Variants in RBFOX1 observed in about 807,000 individuals in gnomAD.
RBFOX1 encodes RNA binding fox-1 homolog 1, also known as RNA binding protein fox-1 homolog 1.
A neutral mutation model predicts 57.7 loss-of-function variants in RBFOX1; 8 were observed. That is an observed-to-expected ratio of 0.14 (90% confidence interval 0.08 to 0.25). The LOEUF is 0.25. Among genes scored for constraint, RBFOX1 ranks in the 10% least tolerant of loss-of-function variants. RBFOX1 has a pLI of 1.00. For synonymous variants in RBFOX1, 326 were observed against 222.4 expected, an observed-to-expected ratio of 1.47 and a Z score of -4.15; for missense variants, 611 against 548.5, an observed-to-expected ratio of 1.11 and a Z score of -1.14.
intron 3 of RBFOX1, among the ~76,000 whole-genome samples, chr16:5,823,044 T>C (rs1263933659): frequency 1.3e-5 from 2 of 152,172 alleles, no homozygotes; most frequent in East Asian, 1.9e-4. Context: ...CAGTTTAAAA[T>C]TAGTAATGCT....
At chr16:6,662,615 C>T (rs1371817210) in intron 3 of RBFOX1, among the ~76,000 whole-genome samples, 6 of 151,748 alleles carry the variant, frequency 4.0e-5, no homozygotes, top group Non-Finnish European at 8.8e-5. Flanking sequence ...TTTCTCAGAC[C>T]TTGAGACTAC....
chr16:6,837,651 T>C (rs752989490), intron 3 of RBFOX1, among the ~76,000 whole-genome samples: 4 of 152,186 alleles, frequency 2.6e-5, no homozygotes, highest in South Asian at 2.1e-4. Context: ...CACTCCCTCA[T>C]TGAAAATTGA....
intron 1 of RBFOX1, among the ~76,000 whole-genome samples, chr16:6,162,978 C>T (rs1346594773): frequency 6.6e-6 from 1 of 152,172 alleles, no homozygotes; most frequent in African/African-American, 2.4e-5. Context: ...AGGTGATCCA[C>T]CTGCCTCACC....
intron 3 of RBFOX1, among the ~76,000 whole-genome samples, chr16:6,740,990 C>CGATTTCACATA (rs1305084818): frequency 6.6e-6 from 1 of 152,120 alleles, no homozygotes; most frequent in Non-Finnish European, 1.5e-5. Context: ...CTCCAGTCAT[C>CGATTTCACATA]ATCGCTATGT....
chr16:7,152,393 C>G (rs370074135), intron 4 of RBFOX1, among the ~76,000 whole-genome samples: 15 of 152,142 alleles, frequency 9.9e-5, no homozygotes, highest in East Asian at 5.8e-4. Context: ...GTACCTAATC[C>G]CAACCCTTGG....
At chr16:5,474,537 C>G (rs937597441) in intron 2 of RBFOX1, among the ~76,000 whole-genome samples, 8 of 152,018 alleles carry the variant, frequency 5.3e-5, no homozygotes, top group African/African-American at 1.9e-4. Context: ...ACCTGTAATC[C>G]CAGCTATTTG....
intron 1 of RBFOX1, among the ~76,000 whole-genome samples, chr16:6,099,131 G>C (rs185786708): frequency 1.1e-4 from 16 of 152,154 alleles, no homozygotes; most frequent in Non-Finnish European, 1.0e-4. Flanking sequence ...GGTCGAACCC[G>C]ATTTGCTTTC....
intron 1 of RBFOX1, among the ~76,000 whole-genome samples, chr16:5,333,156 C>G (rs935771462): frequency 2.0e-5 from 3 of 150,962 alleles, no homozygotes; most frequent in South Asian, 2.1e-4. Context: ...CTACTGCACT[C>G]CAGCCTGGGC....
intron 4 of RBFOX1, among the ~76,000 whole-genome samples, chr16:7,380,303 C>A (rs891844045): frequency 1.3e-5 from 2 of 152,226 alleles, no homozygotes; most frequent in African/African-American, 2.4e-5. Flanking sequence ...CCTTCCCTTT[C>A]TTCCTCCCCC....
intron 3 of RBFOX1, among the ~76,000 whole-genome samples, chr16:7,042,106 T>C (rs1177276454): frequency 1.3e-5 from 2 of 152,234 alleles, no homozygotes; most frequent in African/African-American, 4.8e-5. Flanking sequence ...GTGGAAATTA[T>C]ACTGGTTCTT....
rs546443202 is a variant in RBFOX1 at position 7,601,572 on chromosome 16, C to T, written c.622+4141C>T. 3.0e-4 allele frequency among the ~76,000 whole-genome samples: 46 copies of T among 152,212 alleles called. No individual in the cohort carries two copies. The South Asian group carries it at 9.3e-3, about 31-fold the overall frequency. On this transcript the variant is annotated intron_variant, in intron 9 of 15. Transcript: ENST00000550418. ...GAAAAACTCAGTCTTTTGGGACTAG[C>T]TATTGTTTTCTTACTGAAGTAAAGC...
intron 4 of RBFOX1, among the ~76,000 whole-genome samples, chr16:7,441,880 TC>T (rs1235528057): frequency 6.6e-6 from 1 of 152,148 alleles, no homozygotes; most frequent in Non-Finnish European, 1.5e-5. Context: ...TCCGTAGTGC[TC>T]TCCTCCCACC....
chr16:6,254,160 T>C (rs2097646062), intron 1 of RBFOX1, among the ~76,000 whole-genome samples: 1 of 152,182 alleles, frequency 6.6e-6, no homozygotes, highest in Non-Finnish European at 1.5e-5. Flanking sequence ...CCCTCGTCAA[T>C]AGCATTTATC....
At chr16:6,851,155 G>C (rs1295764453) in intron 3 of RBFOX1, among the ~76,000 whole-genome samples, 1 of 152,148 alleles carries the variant, frequency 6.6e-6, no homozygotes, top group Admixed American at 6.5e-5. Flanking sequence ...ATTTTGTCCA[G>C]TCTCAGCAAT....
rs1235552446 is a variant in RBFOX1 at position 6,801,439 on chromosome 16, G to T, written c.-16+146789G>T. Among the ~76,000 whole-genome samples the T allele has an allele frequency of 2.0e-5, 3 of 152,186 alleles. 1 individual carries two copies. The highest frequency in any genetic ancestry group is 6.8e-3 in the Middle Eastern group (2 of 294). On this transcript the variant is annotated intron_variant, in intron 3 of 15. Transcript: ENST00000550418. Reference sequence around the variant, plus strand: ...TCAGCTGAAGATAAATAAGCAAAACGGGCACATGTGTAGCCTAATAGCAAA... The same window carrying T: ...TCAGCTGAAGATAAATAAGCAAAACTGGCACATGTGTAGCCTAATAGCAAA...
chr16:6,398,400 A>G (rs755446687), intron 2 of RBFOX1, among the ~76,000 whole-genome samples: 10 of 152,108 alleles, frequency 6.6e-5, no homozygotes, highest in Non-Finnish European at 1.0e-4. Flanking sequence ...CATTAACCCA[A>G]AAGTCCAAGT....
chr16:5,846,877 T>G (rs756215095), intron 3 of RBFOX1, among the ~76,000 whole-genome samples: 8 of 152,168 alleles, frequency 5.3e-5, no homozygotes, highest in Non-Finnish European at 8.8e-5. Context: ...AGGACACATT[T>G]TGCAAACAGC....
chr16:7,288,711 C>T (rs1603502772), intron 4 of RBFOX1, among the ~76,000 whole-genome samples: 1 of 152,166 alleles, frequency 6.6e-6, no homozygotes, highest in South Asian at 2.1e-4. Flanking sequence ...CATGATGGCA[C>T]ATGCCAATAA....
intron 4 of RBFOX1, among the ~76,000 whole-genome samples, chr16:5,874,800 C>T (rs1370943798): frequency 6.6e-6 from 1 of 152,056 alleles, no homozygotes; most frequent in Admixed American, 6.6e-5. Context: ...AGAAAATTAG[C>T]CAGGCAATGT....
Sources: gnomAD v4.1 joint callset for allele counts (sites outside exome capture counted in the v4.1 genomes callset) on GRCh38, gnomAD v4.1.1 for gene constraint, MANE v1.5 for transcripts, NCBI Gene and HGNC (gene_info 2026-07-23, HGNC 2026-07-21) for gene names.